Variants in FBXL19 observed in about 807,000 individuals in gnomAD.
FBXL19 encodes F-box/LRR-repeat protein 19.
A neutral mutation model predicts 71.2 loss-of-function variants in FBXL19; 16 were observed. The ratio of observed to expected loss-of-function variants is 0.22; its 90% CI spans 0.15 to 0.34. FBXL19 has a LOEUF of 0.34. FBXL19 is among the 10% of genes least tolerant of loss of function. The probability of loss-of-function intolerance (pLI) is 1.00; values close to 1 mark genes in which losing one functional copy is unlikely to be tolerated. For missense variants in FBXL19, 658 were observed against 968.2 expected, an observed-to-expected ratio of 0.68 and a Z score of 4.25; for synonymous variants, 447 against 409.4, an observed-to-expected ratio of 1.09 and a Z score of -1.11.
chr16:30,939,445 G>A (rs1475775395), intron 7 of FBXL19, among the ~76,000 whole-genome samples: 2 of 142,300 alleles, frequency 1.4e-5, no homozygotes, highest in Non-Finnish European at 3.0e-5. Context: ...ACGGAGTCTC[G>A]CTCTGTCGCC....
At chr16:30,935,796 A>G (rs2055725743) in intron 7 of FBXL19, among the ~76,000 whole-genome samples, 1 of 151,974 alleles carries the variant, frequency 6.6e-6, no homozygotes, top group Non-Finnish European at 1.5e-5. Context: ...CTAGTAGGAG[A>G]GGACTCATTG....
intron 7 of FBXL19, among the ~76,000 whole-genome samples, chr16:30,938,581 C>T (rs1471605972): frequency 6.6e-6 from 1 of 152,110 alleles, no homozygotes; most frequent in Non-Finnish European, 1.5e-5. Flanking sequence ...ATGGCTTAAT[C>T]CCTCTGTGAG....
At chr16:30,926,003 T>G in intron 2 of FBXL19, 72 bp downstream of exon 2, 1 of 1,405,230 alleles carries the variant, frequency 7.1e-7, no homozygotes, top group South Asian at 1.6e-5. Flanking sequence ...GGTGACTGCC[T>G]CCCAGCCTGT....
chr16:30,928,036 G>T, intron 5 of FBXL19, 73 bp downstream of exon 5: 2 of 1,049,178 alleles, frequency 1.9e-6, no homozygotes, highest in African/African-American at 1.6e-5. Context: ...TGGTTCTGTG[G>T]GGCTGTGTGG....
At chr16:30,924,842 G>A in intron 1 of FBXL19, 1 of 1,227,604 alleles carries the variant, frequency 8.1e-7, no homozygotes, top group Middle Eastern at 2.0e-4. Context: ...GTTTCCATGG[G>A]AGGGGGAGCC....
chr16:30,940,179 A>G (rs1344769947), intron 7 of FBXL19, among the ~76,000 whole-genome samples: 6 of 151,650 alleles, frequency 4.0e-5, no homozygotes, highest in African/African-American at 1.5e-4. Flanking sequence ...AATCGCTTGA[A>G]CTTGGGAGAT....
At chr16:30,941,482 C>T (rs527820710) in intron 7 of FBXL19, among the ~76,000 whole-genome samples, 1 of 152,010 alleles carries the variant, frequency 6.6e-6, no homozygotes, top group Non-Finnish European at 1.5e-5. Context: ...AATTTTTTTT[C>T]AAAAAGTGGA....
At chr16:30,931,971 C>T (rs913635558) in intron 7 of FBXL19, among the ~76,000 whole-genome samples, 1 of 150,620 alleles carries the variant, frequency 6.6e-6, no homozygotes, top group Non-Finnish European at 1.5e-5. Context: ...GAACTCCTGA[C>T]CTGAAGCGAT....
intron 9 of FBXL19, among the ~76,000 whole-genome samples, chr16:30,943,367 ATTTTTTTT>A (rs34002102): frequency 4.2e-3 from 282 of 67,590 alleles, no homozygotes; most frequent in African/African-American, 0.015. Flanking sequence ...TTTTTTTGTA[ATTTTTTTT>A]TTTTTTTTTT....
chr16:30,947,626 G>A lies in FBXL19; in HGVS notation c.*396G>A. 1 of 306,400 alleles carries A rather than the reference G, an allele frequency of 3.3e-6. No homozygotes were observed. The highest frequency in any genetic ancestry group is 6.3e-6 in the Non-Finnish European group (1 of 159,136). 19.0% of individuals were successfully genotyped at this position (306,400 alleles called of 1,614,324 possible). On this transcript the variant is annotated 3_prime_UTR_variant, in exon 11 of 11. Transcript: ENST00000338343. ...GGTGGAAGGGGCGGGGGGCGGGGCAGACAGCAGACCACCAAGGGTTCAGGG... is the reference window on the plus strand; with the variant it reads ...GGTGGAAGGGGCGGGGGGCGGGGCAAACAGCAGACCACCAAGGGTTCAGGG...
chr16:30,929,800 C>T (rs569603245), intron 6 of FBXL19, among the ~76,000 whole-genome samples: 62 of 152,300 alleles, frequency 4.1e-4, no homozygotes, highest in African/African-American at 6.5e-4. Flanking sequence ...GTGATCCTCC[C>T]GCCTCGGCCT....
chr16:30,924,831 G>T, intron 1 of FBXL19: 1 of 1,285,316 alleles, frequency 7.8e-7, no homozygotes, highest in Non-Finnish European at 1.0e-6. Flanking sequence ...TGGAGGATCT[G>T]GTTTCCATGG....
At chr16:30,922,861 C>T (rs1041191096), upstream of FBXL19, 12 of 355,502 alleles carry the variant, frequency 3.4e-5, no homozygotes, top group Middle Eastern at 9.5e-4. Flanking sequence ...GATTTCGAGA[C>T]CACAGGCGGG....
chr16:30,930,600 A>G lies in FBXL19; in HGVS notation c.1301+16A>G, dbSNP rs2055662118. 1.4e-6 allele frequency: 2 copies of G among 1,419,134 alleles called. No individual in the cohort carries two copies. The highest frequency in any genetic ancestry group is 2.7e-5 in the East Asian group (1 of 37,200). 87.9% of individuals were successfully genotyped at this position (1,419,134 alleles called of 1,614,324 possible). A position where few individuals can be genotyped will look rare whatever the true frequency, so the allele number is the denominator to read the frequency against. On this transcript the variant is annotated intron_variant, in intron 7 of 10. Transcript: ENST00000338343. The surrounding 1 kb of genome is among the most constrained non-coding windows in gnomAD (Gnocchi z 8.5). ...GGAGCCGCTGGTGAGTGGCCTGGAC[A>G]GGCCTGCGTTCCGTGGCCAGCAGGC... is the stretch of plus-strand genomic sequence containing the variant.
At chr16:30,923,136 A>G (rs2055542319), upstream of FBXL19, 3 of 456,522 alleles carry the variant, frequency 6.6e-6, no homozygotes, top group Non-Finnish European at 1.3e-5. Context: ...CAGCAGATGG[A>G]CTGCGACTCC....
At position 30,925,703 on chromosome 16, in the gene FBXL19, A is replaced by G; in HGVS notation, c.-24-28A>G. 1 of 1,486,544 alleles carries G rather than the reference A, an allele frequency of 6.7e-7. No individual in the cohort carries two copies. The highest frequency in any genetic ancestry group is 1.5e-5 in the African/African-American group (1 of 68,762). 92.1% of individuals were successfully genotyped at this position (1,486,544 alleles called of 1,614,324 possible). On this transcript the variant is annotated intron_variant, in intron 1 of 10. Transcript: ENST00000338343. The surrounding 1 kb of genome is among the most constrained non-coding windows in gnomAD (Gnocchi z 5.0). ...CCCAGGCCAGGGCCCCAGTGGGCCC[A>G]TCTGACCCTGCCACCATCCACCTAC...
chr16:30,938,797 C>T (rs554516978), intron 7 of FBXL19, among the ~76,000 whole-genome samples: 3 of 151,946 alleles, frequency 2.0e-5, no homozygotes, highest in East Asian at 2.0e-4. Context: ...CCACCACGCC[C>T]GGCTAATCTT....
chr16:30,947,394 C>A lies in FBXL19; in HGVS notation c.*164C>A. On this transcript the variant is annotated 3_prime_UTR_variant, in exon 11 of 11. Coordinates refer to ENST00000338343, the MANE Select transcript of FBXL19 (RefSeq NM_001382779.1). ...ACTCAAGCCAGCCACCCCCTTCTTT[C>A]CCCCCTGCACTGATATCTCTGGGGG... 1 of 602,816 alleles carries A rather than the reference C, an allele frequency of 1.7e-6. No individual in the cohort carries two copies. The highest frequency in any genetic ancestry group is 2.8e-5 in the East Asian group (1 of 36,056). 37.3% of individuals were successfully genotyped at this position (602,816 alleles called of 1,614,324 possible).
Position 30,946,716 on chromosome 16 carries a change from A to T in FBXL19, c.1628-14A>T, listed in dbSNP as rs369158375. 14 of 1,608,640 alleles carry T rather than the reference A, an allele frequency of 8.7e-6. No individual in the cohort carries two copies. The highest frequency in any genetic ancestry group is 1.2e-5 in the Non-Finnish European group (14 of 1,178,176). ...GAGTGGCCAGGAGTGCTGACCTCTCATCTGGCTGCCCAGGGCAAACAGAGA... is the reference window on the plus strand; with the variant it reads ...GAGTGGCCAGGAGTGCTGACCTCTCTTCTGGCTGCCCAGGGCAAACAGAGA... On this transcript the variant is annotated splice_polypyrimidine_tract_variant and intron_variant, in intron 9 of 10. Coordinates refer to ENST00000338343, the MANE Select transcript of FBXL19 (RefSeq NM_001382779.1). The surrounding 1 kb of genome is among the most constrained non-coding windows in gnomAD (Gnocchi z 6.7).
Sources: gnomAD v4.1 joint callset for allele counts (sites outside exome capture counted in the v4.1 genomes callset) on GRCh38, gnomAD v4.1.1 for gene constraint, Gnocchi (gnomAD v3.1) non-coding constraint, MANE v1.5 for transcripts, NCBI Gene and HGNC (gene_info 2026-07-23, HGNC 2026-07-21) for gene names.